Variants in KDM5C observed in about 807,000 individuals in gnomAD.
The protein encoded by KDM5C is lysine-specific demethylase 5C.
Under a neutral mutation model 110.6 loss-of-function variants are expected in KDM5C, and 16 were observed. The ratio of observed to expected loss-of-function variants is 0.14; its 90% CI spans 0.10 to 0.22. The LOEUF is 0.22. KDM5C is among the 10% of genes least tolerant of loss of function. KDM5C has a pLI of 1.00. For missense variants in KDM5C, 681 were observed against 1,300.9 expected (o/e 0.52, Z 7.33); for synonymous variants, 511 against 520.4 (o/e 0.98, Z 0.24).
chrX:53,205,650 G>A (rs1556844820), intron 12 of KDM5C, among the ~76,000 whole-genome samples: 1 of 111,707 alleles, frequency 9.0e-6, no homozygotes, highest in Non-Finnish European at 1.9e-5. Context: ...GATAACCCCC[G>A]CTTCCTAAAT....
intron 8 of KDM5C, among the ~76,000 whole-genome samples, chrX:53,213,156 T>C (rs2073626256): frequency 8.9e-6 from 1 of 111,984 alleles, no homozygotes; most frequent in African/African-American, 3.3e-5. Context: ...ATGAGAACAA[T>C]ATGTACCCCA....
chrX:53,215,646 T>C (rs1271644740), intron 7 of KDM5C, 149 bp downstream of exon 7: 1 of 559,814 alleles, frequency 1.8e-6, no homozygotes, highest in African/African-American at 2.3e-5. Context: ...TGAGTTGGCT[T>C]TGTTTCCCCA....
rs376514631 is a variant in KDM5C at position 53,217,773 on chromosome X, C to T, written c.522+23G>A. On this transcript the variant is annotated intron_variant, in intron 4 of 25. Coordinates refer to ENST00000375401, the MANE Select transcript of KDM5C (RefSeq NM_004187.5). ...CTGTGCTGAAGGGTAAAGCCGCACC[C>T]TGCCCCACTGTGACATCCTTACCAC... 12 of 1,206,514 alleles carry T rather than the reference C, an allele frequency of 9.9e-6. No homozygotes were observed. The African/African-American group carries it at 2.1e-4, about 21-fold the overall frequency.
rs1352070030 is a variant in KDM5C at position 53,195,393 on chromosome X, G to A, written c.3138C>T (p.Pro1046=). The change falls in exon 21 of 26, where the codon CCC becomes CCT. Residue 1046 remains proline, a synonymous_variant. Coordinates refer to ENST00000375401, the MANE Select transcript of KDM5C (RefSeq NM_004187.5). ...CTAGGCCCTCCAAGTCATCCAGGCA[G>A]GGGTAGTGGTCACCATTCTAAGGCC... ...VDEIQNGDHY[P]CLDDLEGLVA... 2.5e-6 allele frequency: 3 copies of A among 1,204,657 alleles called. No homozygotes were observed. The highest frequency in any genetic ancestry group is 1.8e-5 in the African/African-American group (1 of 57,006).
chrX:53,187,585 T>C (rs1363993670), downstream of KDM5C, among the ~76,000 whole-genome samples: 1 of 110,217 alleles, frequency 9.1e-6, no homozygotes, highest in Non-Finnish European at 1.9e-5. Flanking sequence ...CTAGGGTGTG[T>C]TGGGGACAGA....
At chrX:53,194,062 G>A (rs1934630218) in intron 23 of KDM5C, 77 bp downstream of exon 23, 2 of 1,134,286 alleles carry the variant, frequency 1.8e-6, no homozygotes, top group African/African-American at 3.6e-5. Context: ...GGAGAACAAG[G>A]GGCAGGGCCG....
chrX:53,192,883 C>CCCCCCCCACA lies in KDM5C; in HGVS notation c.*83_*84insTGTGGGGGGG. ...GCCACCCCCCTACCCGCCCACCCCCCAAGAAGCAGGCTTGATGGTCAGAAA... is the reference window on the plus strand; with the variant it reads ...GCCACCCCCCTACCCGCCCACCCCCCCCCCCCCACAAAGAAGCAGGCTTGATGGTCAGAAA... On this transcript the variant is annotated 3_prime_UTR_variant, in exon 26 of 26. Transcript: ENST00000375401. The CCCCCCCCACA allele has an allele frequency of 9.4e-7, 1 of 1,063,298 alleles. No individual in the cohort carries two copies. The highest frequency in any genetic ancestry group is 1.2e-6 in the Non-Finnish European group (1 of 809,526). 87.6% of individuals were successfully genotyped at this position (1,063,298 alleles called of 1,213,427 possible).
At chrX:53,179,003 G>A (rs1644286148) in intron 25 of KDM5C, among the ~76,000 whole-genome samples, 1 of 112,300 alleles carries the variant, frequency 8.9e-6, no homozygotes, top group Non-Finnish European at 1.9e-5. Context: ...GTAAGGCTGA[G>A]GTGGGTGGAT....
Position 53,225,075 on chromosome X carries a change from T to C in KDM5C, c.-186A>G, listed in dbSNP as rs1602247906. ...TCTGAGAGTCTCAGGCTGACTCTAC[T>C]GCTACCGCCTCTTCGTCCCGCTCCG... On this transcript the variant is annotated 5_prime_UTR_variant, in exon 1 of 26. Transcript: ENST00000375401. The C allele has an allele frequency of 2.2e-6, 1 of 458,779 alleles. No homozygotes were observed. The highest frequency in any genetic ancestry group is 4.0e-5 in the East Asian group (1 of 25,119). The allele number at this position is 458,779 out of a possible 1,213,427, so 37.8% of individuals were successfully genotyped here.
intron 12 of KDM5C, among the ~76,000 whole-genome samples, chrX:53,204,238 C>CTT (rs10604955): frequency 2.1e-4 from 13 of 60,770 alleles, no homozygotes; most frequent in African/African-American, 5.6e-4. Context: ...AAAGAAAATC[C>CTT]TTTTTTTTTT....
At chrX:53,182,850 G>A (rs782649113) in intron 25 of KDM5C, among the ~76,000 whole-genome samples, 2 of 112,150 alleles carry the variant, frequency 1.8e-5, no homozygotes, top group Non-Finnish European at 3.8e-5. Context: ...TTCTGATGAA[G>A]TCCAATTTAT....
chrX:53,195,891 G>C (rs1556836317), intron 20 of KDM5C, 25 bp downstream of exon 20: 1 of 1,202,364 alleles, frequency 8.3e-7, no homozygotes. Flanking sequence ...CTGAAGGCCT[G>C]GGGTGGGAGT....
rs374240414 is a variant in KDM5C, at chrX:53,198,754, C to A, written c.2368+10G>T. ...GCCTGTGGAGTCCCTCCATCCCCCCCATCACTCACTGCGCTTCCGCCCATC... is the reference window on the plus strand; with the variant it reads ...GCCTGTGGAGTCCCTCCATCCCCCCAATCACTCACTGCGCTTCCGCCCATC... On this transcript the variant is annotated intron_variant, in intron 16 of 25. Coordinates refer to ENST00000375401, the MANE Select transcript of KDM5C (RefSeq NM_004187.5). The A allele has an allele frequency of 2.5e-6, 3 of 1,212,265 alleles. No homozygotes were observed. Among genetic ancestry groups the A allele is most frequent in the South Asian group, 3.5e-5 (2 of 57,051 alleles).
intron 12 of KDM5C, among the ~76,000 whole-genome samples, chrX:53,204,236 T>C (rs1556843928): frequency 3.3e-5 from 2 of 60,909 alleles, no homozygotes; most frequent in African/African-American, 1.1e-4. Context: ...CCAAAGAAAA[T>C]CCTTTTTTTT....
At position 53,192,869 on chromosome X, in the gene KDM5C, A is replaced by AACCCCCCCCCCC; in HGVS notation, c.*97_*98insGGGGGGGGGGGT. 3 of 179,884 alleles carry AACCCCCCCCCCC rather than the reference A, an allele frequency of 1.7e-5. No homozygotes were observed. The highest frequency in any genetic ancestry group is 2.7e-5 in the Non-Finnish European group (3 of 112,551). 14.8% of individuals were successfully genotyped at this position (179,884 alleles called of 1,213,427 possible). On this transcript the variant is annotated 3_prime_UTR_variant, in exon 26 of 26. Coordinates refer to ENST00000375401, the MANE Select transcript of KDM5C (RefSeq NM_004187.5). Reference sequence around the variant, plus strand: ...GGGTAGCAGGGATGGCCACCCCCCTACCCGCCCACCCCCCAAGAAGCAGGC... The same window carrying AACCCCCCCCCCC: ...GGGTAGCAGGGATGGCCACCCCCCTAACCCCCCCCCCCCCCGCCCACCCCCCAAGAAGCAGGC...
At chrX:53,200,660 A>G (rs1274544260) in intron 14 of KDM5C, among the ~76,000 whole-genome samples, 2 of 112,032 alleles carry the variant, frequency 1.8e-5, no homozygotes, top group African/African-American at 6.5e-5. Flanking sequence ...GAAAGCTATA[A>G]ATGAGCTTTA....
At chrX:53,211,738 C>T in intron 9 of KDM5C, 49 bp downstream of exon 9, 1 of 1,210,129 alleles carries the variant, frequency 8.3e-7, no homozygotes, top group Non-Finnish European at 1.1e-6. Context: ...CATCTGGCAT[C>T]AATACCTATG....
rs2073291503 is a variant in KDM5C at position 53,205,316 on chromosome X, C to A, written c.1747-3343G>T. Among the ~76,000 whole-genome samples the A allele has an allele frequency of 2.7e-5, 3 of 112,088 alleles. No individual in the cohort carries two copies. In the Admixed American group the frequency reaches 2.8e-4, roughly 11 times the overall value. On this transcript the variant is annotated intron_variant, in intron 12 of 25. Transcript: ENST00000375401. ...AAATTAATTTGGGGAGAATTAACAT[C>A]CTAACAATATCAAATCTTCCCATTC...
chrX:53,198,605 C>A lies in KDM5C; in HGVS notation c.2401G>T (p.Ala801Ser). The change falls in exon 17 of 26, where the codon GCC becomes TCC. Residue 801 changes from alanine (A) to serine (S), a missense_variant. Transcript: ENST00000375401. ...CTATTAGGAAACCTCCGCTCACGGG[C>A]TTCAGACTCTAGTGCCCTCAGTTCT... Reference protein sequence around the residue: ...LEELRALESEARERRFPNSEL... With the variant: ...LEELRALESESRERRFPNSEL... 8.3e-7 allele frequency: 1 copy of A among 1,212,070 alleles called. No individual in the cohort carries two copies. The highest frequency in any genetic ancestry group is 1.1e-6 in the Non-Finnish European group (1 of 895,601).
Sources: allele counts gnomAD v4.1 joint callset (sites outside exome capture counted in the v4.1 genomes callset), GRCh38; gene constraint gnomAD v4.1.1; transcripts MANE v1.5; gene names NCBI Gene and HGNC (gene_info 2026-07-23, HGNC 2026-07-21).